CNTNAP2: variants seen among roughly 807,000 people sequenced by gnomAD.
CNTNAP2 encodes contactin-associated protein-like 2.
A neutral mutation model predicts 155.2 loss-of-function variants in CNTNAP2; 98 were observed. The observed-to-expected ratio is 0.63, with a 90% CI of 0.54 to 0.75. The LOEUF (loss-of-function observed/expected upper bound fraction) is 0.75, where lower values mean the gene tolerates loss of function less well. Ranked by LOEUF, CNTNAP2 falls within the 30% of genes least tolerant of loss-of-function variation. The pLI, the probability that CNTNAP2 is intolerant of heterozygous loss-of-function variation, is 0.00. For synonymous variants in CNTNAP2, 651 were observed against 631.2 expected, an observed-to-expected ratio of 1.03 and a Z score of -0.47; for missense variants, 1,727 against 1,688.1, an observed-to-expected ratio of 1.02 and a Z score of -0.40.
At chr7:147,246,005 TTATA>T (rs902520313) in intron 8 of CNTNAP2, among the ~76,000 whole-genome samples, 11 of 139,856 alleles carry the variant, frequency 7.9e-5, no homozygotes, top group Non-Finnish European at 1.2e-4. Flanking sequence ...CTGTAAAATC[TTATA>T]TATAAATAAG....
intron 8 of CNTNAP2, among the ~76,000 whole-genome samples, chr7:147,195,166 A>G (rs929792288): frequency 1.1e-4 from 16 of 152,194 alleles, no homozygotes; most frequent in Admixed American, 6.5e-4. Context: ...ATTACCATTT[A>G]CTGAATAGGA....
intron 15 of CNTNAP2, among the ~76,000 whole-genome samples, chr7:148,024,173 A>AAAAAAAAAAAACC (rs796940228): frequency 4.1e-5 from 6 of 147,984 alleles, no homozygotes; most frequent in Admixed American, 3.4e-4. Context: ...AAAAAAAAAA[A>AAAAAAAAAAAACC]AAAAAACTTT....
At chr7:146,410,909 T>A (rs1056476360) in intron 1 of CNTNAP2, among the ~76,000 whole-genome samples, 1 of 152,168 alleles carries the variant, frequency 6.6e-6, no homozygotes, top group Non-Finnish European at 1.5e-5. Flanking sequence ...CATAATGTCC[T>A]TCAGGTTTAT....
chr7:147,503,180 C>T (rs1428317193), intron 11 of CNTNAP2, among the ~76,000 whole-genome samples: 1 of 152,162 alleles, frequency 6.6e-6, no homozygotes, highest in Non-Finnish European at 1.5e-5. Flanking sequence ...CTTTCACTGG[C>T]TTCTATTGAT....
intron 8 of CNTNAP2, among the ~76,000 whole-genome samples, chr7:147,255,021 G>C (rs879348232): frequency 5.9e-5 from 9 of 152,132 alleles, no homozygotes; most frequent in Non-Finnish European, 1.2e-4. Context: ...GAACAACTTA[G>C]ATATAAAATT....
intron 1 of CNTNAP2, among the ~76,000 whole-genome samples, chr7:146,680,773 A>G (rs763668382): frequency 9.8e-5 from 15 of 152,344 alleles, no homozygotes; most frequent in Non-Finnish European, 1.8e-4. Context: ...TACAGCAGTT[A>G]TAGTCACATG....
chr7:147,700,240 T>C (rs1796216091), intron 13 of CNTNAP2, among the ~76,000 whole-genome samples: 1 of 152,190 alleles, frequency 6.6e-6, no homozygotes, highest in African/African-American at 2.4e-5. Flanking sequence ...TATGATGCTA[T>C]AATTTACCAT....
At chr7:147,898,532 C>CT (rs34610190) in intron 13 of CNTNAP2, among the ~76,000 whole-genome samples, 36,712 of 150,294 alleles carry the variant, frequency 0.24, 4,511 homozygotes, top group Middle Eastern at 0.3. Context: ...ATTTTTTTTT[C>CT]TTTTTTTTTG....
chr7:146,196,471 C>T (rs1798776752), intron 1 of CNTNAP2, among the ~76,000 whole-genome samples: 1 of 150,728 alleles, frequency 6.6e-6, no homozygotes, highest in South Asian at 2.1e-4. Flanking sequence ...CAGAAGATCC[C>T]AAAATGTTTT....
At chr7:146,648,267 C>T (rs1427260970) in intron 1 of CNTNAP2, among the ~76,000 whole-genome samples, 1 of 152,070 alleles carries the variant, frequency 6.6e-6, no homozygotes, top group Admixed American at 6.6e-5. Context: ...CTTTACATTT[C>T]TATTTTCCAA....
chr7:146,935,831 C>T (rs1193453370), intron 3 of CNTNAP2, among the ~76,000 whole-genome samples: 1 of 152,072 alleles, frequency 6.6e-6, no homozygotes, highest in Admixed American at 6.5e-5. Flanking sequence ...TTATCTAGCT[C>T]ATTCTTTGAT....
chr7:147,233,963 T>C (rs554830420), intron 8 of CNTNAP2, among the ~76,000 whole-genome samples: 1 of 151,674 alleles, frequency 6.6e-6, no homozygotes, highest in Admixed American at 6.6e-5. Flanking sequence ...ATTCCACTTT[T>C]AAATACCTAT....
chr7:146,236,809 TATTA>T (rs71717716), intron 1 of CNTNAP2, among the ~76,000 whole-genome samples: 74,287 of 150,844 alleles, frequency 0.49, 18,645 homozygotes, highest in East Asian at 0.64. Flanking sequence ...GATTGTAAGT[TATTA>T]ATTAATTAAT....
At chr7:146,138,063 A>ATGTG (rs1286754520) in intron 1 of CNTNAP2, among the ~76,000 whole-genome samples, 3 of 152,086 alleles carry the variant, frequency 2.0e-5, no homozygotes, top group Non-Finnish European at 4.4e-5. Flanking sequence ...TCATGAGGCT[A>ATGTG]AAGCCAGATA....
chr7:146,331,769 G>A (rs1010018277), intron 1 of CNTNAP2, among the ~76,000 whole-genome samples: 4 of 152,196 alleles, frequency 2.6e-5, no homozygotes, highest in Admixed American at 2.6e-4. Context: ...CTTGTCAATG[G>A]AAGGAGTAAC....
intron 21 of CNTNAP2, among the ~76,000 whole-genome samples, chr7:148,279,325 T>C (rs1441146061): frequency 6.6e-6 from 1 of 152,144 alleles, no homozygotes; most frequent in Non-Finnish European, 1.5e-5. Flanking sequence ...ACAGCAGTGA[T>C]GGTGATGGAG....
At chr7:147,740,119 C>A (rs1384742406) in intron 13 of CNTNAP2, among the ~76,000 whole-genome samples, 2 of 152,152 alleles carry the variant, frequency 1.3e-5, no homozygotes, top group Non-Finnish European at 2.9e-5. Context: ...GTCCCATAGT[C>A]CACTTGTGGG....
In CNTNAP2 at chr7:148,149,457, G is replaced by C. The variant is rs115664099; in HGVS notation, c.2773+1748G>C. On this transcript the variant is annotated intron_variant, in intron 17 of 23. Transcript: ENST00000361727. The stretch of plus-strand genomic sequence containing the variant: ...GGAATAGAAATAAGGAAAATTAGGA[G>C]AGAGTAATGTCACAAGAGGAGGAGG... 6.6e-3 allele frequency among the ~76,000 whole-genome samples: 1,000 copies of C among 152,272 alleles called. 24 individuals are homozygous for C. The highest frequency in any genetic ancestry group is 0.023 in the African/African-American group (941 of 41,534).
chr7:147,542,727 A>G (rs1489417666), intron 11 of CNTNAP2, among the ~76,000 whole-genome samples: 1 of 152,170 alleles, frequency 6.6e-6, no homozygotes, highest in Non-Finnish European at 1.5e-5. Flanking sequence ...GAAAGTTGAG[A>G]TCCATAAATT....
Sources: gnomAD v4.1 joint callset for allele counts (sites outside exome capture counted in the v4.1 genomes callset) on GRCh38, gnomAD v4.1.1 for gene constraint, MANE v1.5 for transcripts, NCBI Gene and HGNC (gene_info 2026-07-23, HGNC 2026-07-21) for gene names.